Variants in CEACAM20 observed in about 807,000 individuals in gnomAD.
The protein encoded by CEACAM20 is CEA cell adhesion molecule 20, also known as cell adhesion molecule CEACAM20.
CEACAM20 carries 50 observed loss-of-function variants against 61.2 expected under a neutral mutation model. The ratio of observed to expected loss-of-function variants is 0.82; its 90% CI spans 0.65 to 1.03. CEACAM20 has a LOEUF of 1.03. Among genes scored for constraint, CEACAM20 ranks in the 50% least tolerant of loss-of-function variants. The pLI, the probability that CEACAM20 is intolerant of heterozygous loss-of-function variation, is 0.00. For synonymous variants in CEACAM20, 282 were observed against 287.7 expected, an observed-to-expected ratio of 0.98 and a Z score of 0.20; for missense variants, 683 against 736.4, an observed-to-expected ratio of 0.93 and a Z score of 0.84.
chr19:44,518,173 AGCAGGCAGGCAG>A lies in CEACAM20; in HGVS notation c.1031-961_1031-950del, dbSNP rs552025790. 1.6e-3 allele frequency among the ~76,000 whole-genome samples: 223 copies of A among 138,894 alleles called. 3 individuals carry two copies. The highest frequency in any genetic ancestry group is 2.7e-3 in the Non-Finnish European group (169 of 63,516). The allele number at this position is 138,894 out of a possible 152,430, so 91.1% of individuals were successfully genotyped here. ...AAGGAAGGAAGGAAGGAAGGAAGAAAGCAGGCAGGCAGGCAGGCAGGCAGGCAAGAAGGAAGG... is the reference window on the plus strand; with the variant it reads ...AAGGAAGGAAGGAAGGAAGGAAGAAAGCAGGCAGGCAGGCAAGAAGGAAGG... On this transcript the variant is annotated intron_variant, in intron 5 of 11. Coordinates refer to ENST00000614924, the MANE Select transcript of CEACAM20 (RefSeq NM_001102597.3).
chr19:44,506,366 G>T (rs989101347), intron 11 of CEACAM20, among the ~76,000 whole-genome samples, 152 bp from the exon 12 acceptor site: 2 of 152,206 alleles, frequency 1.3e-5, no homozygotes, highest in South Asian at 2.1e-4. Flanking sequence ...AGTAACCCTG[G>T]CACATCTCTG....
chr19:44,524,101 A>G lies in CEACAM20; in HGVS notation c.357T>C (p.Asp119=). 2 of 1,604,586 alleles carry G rather than the reference A, an allele frequency of 1.2e-6. No homozygotes were observed. Among genetic ancestry groups the G allele is most frequent in the South Asian group, 2.2e-5 (2 of 89,148 alleles). ...VFHERMQLSK[D]GKILTILIVQ... is the part of the protein sequence containing the mutation. ...CAATGAGAATGGTGAGGATCTTGCC[A>G]TCCTTGGACAGCTGCATGCGCTCAT... Residue 119 remains aspartate, a synonymous_variant, in exon 3 of 12, where the codon GAT becomes GAC. Coordinates refer to ENST00000614924, the MANE Select transcript of CEACAM20 (RefSeq NM_001102597.3).
chr19:44,517,091 A>G lies in CEACAM20; in HGVS notation c.1164T>C (p.Thr388=), dbSNP rs749683136. 40 of 1,611,566 alleles carry G rather than the reference A, an allele frequency of 2.5e-5. No individual in the cohort carries two copies. Among genetic ancestry groups the G allele is most frequent in the Non-Finnish European group, 3.4e-5 (40 of 1,178,938 alleles). The change falls in exon 6 of 12, where the codon ACT becomes ACC. Residue 388 remains threonine, a synonymous_variant. Coordinates refer to ENST00000614924, the MANE Select transcript of CEACAM20 (RefSeq NM_001102597.3). ...ESKPGAEYRW[T]LEHSTGEHLG... is the part of the protein sequence containing the mutation. ...GGTGCTCCCCGGTGGAGTGTTCAAGAGTCCAGCGATACTCAGCACCTGGCT... is the reference window on the plus strand; with the variant it reads ...GGTGCTCCCCGGTGGAGTGTTCAAGGGTCCAGCGATACTCAGCACCTGGCT...
intron 2 of CEACAM20, 129 bp from the exon 3 acceptor site, chr19:44,524,390 CCTGGGCTTGAATG>C: frequency 9.9e-7 from 1 of 1,012,712 alleles, no homozygotes; most frequent in Non-Finnish European, 1.4e-6. Context: ...GAGTTGGATG[CCTGGGCTTGAATG>C]CTGGATCTAC....
rs750039792 is a variant in CEACAM20 at position 44,520,482 on chromosome 19, G to T, written c.1022C>A (p.Thr341Asn). The stretch of plus-strand genomic sequence containing the variant: ...GGCCCTGGGTGACTCACAGTTGATG[G>T]TCAGCTCAAGGGGCTCACTCCGGGC... ...SRARSEPLELTINYGPDQVHI... is the reference protein window; with the variant it reads ...SRARSEPLELNINYGPDQVHI... The change falls in exon 5 of 12, where the codon ACC becomes AAC. Residue 341 changes from threonine to asparagine, a missense_variant. Physicochemically the swap from Thr to Asn is moderately conservative, Grantham distance 65. Coordinates refer to ENST00000614924, the MANE Select transcript of CEACAM20 (RefSeq NM_001102597.3). The T allele has an allele frequency of 1.2e-6, 2 of 1,612,134 alleles. No homozygotes were observed. The highest frequency in any genetic ancestry group is 3.3e-5 in the Admixed American group (2 of 60,010).
chr19:44,529,018 G>C (rs1971629041), intron 1 of CEACAM20, among the ~76,000 whole-genome samples: 1 of 132,122 alleles, frequency 7.6e-6, no homozygotes, highest in African/African-American at 2.9e-5. Flanking sequence ...GAGTGCTATG[G>C]TGTCATCTCA....
At chr19:44,512,129 G>A in intron 8 of CEACAM20, 51 bp from the exon 9 acceptor site, 2 of 1,423,866 alleles carry the variant, frequency 1.4e-6, no homozygotes, top group South Asian at 1.2e-5. Context: ...GAGATATGGG[G>A]CAAGGGGCTG....
chr19:44,506,201 G>C lies in CEACAM20; in HGVS notation c.1751C>G (p.Pro584Arg). 2 of 1,613,768 alleles carry C rather than the reference G, an allele frequency of 1.2e-6. No individual in the cohort carries two copies. The highest frequency in any genetic ancestry group is 1.7e-6 in the Non-Finnish European group (2 of 1,179,778). The change falls in exon 12 of 12, where the codon CCA becomes CGA. Residue 584 changes from proline (P) to arginine (R), a missense_variant. Transcript: ENST00000614924. Reference protein sequence around the residue: ...MESIYEELVNPEPNTYIQINP... With the variant: ...MESIYEELVNREPNTYIQINP... ...GATTTGGATGTAAGTGTTGGGCTCT[G>C]GATTCACAAGCTCCTGTTAAACAAA... is the stretch of plus-strand genomic sequence containing the variant.
intron 1 of CEACAM20, among the ~76,000 whole-genome samples, 195 bp from the exon 2 acceptor site, chr19:44,525,439 T>C (rs1392668753): frequency 6.6e-6 from 1 of 151,962 alleles, no homozygotes; most frequent in Non-Finnish European, 1.5e-5. Context: ...TGTTTGTGTA[T>C]GTGTTTTTGT....
Position 44,524,284 on chromosome 19 carries a change from G to A in CEACAM20, c.197-23C>T, listed in dbSNP as rs185170182. On this transcript the variant is annotated intron_variant, in intron 2 of 11. Coordinates refer to ENST00000614924, the MANE Select transcript of CEACAM20 (RefSeq NM_001102597.3). Reference sequence around the variant, plus strand: ...GCTCTGAAAGCAAGCGAGGGAGACAGAGGCAGAGACACAGGTAGAGGAAGA... The same window carrying A: ...GCTCTGAAAGCAAGCGAGGGAGACAAAGGCAGAGACACAGGTAGAGGAAGA... 2.1e-4 allele frequency: 334 copies of A among 1,601,672 alleles called. 1 individual carries two copies. Among genetic ancestry groups the A allele is most frequent in the Non-Finnish European group, 1.0e-4 (119 of 1,173,276 alleles).
intron 11 of CEACAM20, among the ~76,000 whole-genome samples, chr19:44,510,479 C>G (rs1194104225): frequency 1.4e-5 from 2 of 146,220 alleles, no homozygotes; most frequent in Non-Finnish European, 3.0e-5. Context: ...AGTCACTGCA[C>G]TCCAGTCTGG....
chr19:44,513,037 T>C, intron 7 of CEACAM20, 84 bp from the exon 8 acceptor site: 1 of 1,345,344 alleles, frequency 7.4e-7, no homozygotes, highest in Non-Finnish European at 1.0e-6. Flanking sequence ...TGTCCATTCT[T>C]GAACAATGCC....
chr19:44,528,956 C>CTTTTTTTTT (rs71171255), intron 1 of CEACAM20, among the ~76,000 whole-genome samples: 25 of 92,616 alleles, frequency 2.7e-4, no homozygotes, highest in South Asian at 1.3e-3. Flanking sequence ...CTCTTTCTTT[C>CTTTTTTTTT]TTTTTTTTTT....
chr19:44,510,872 G>T, intron 11 of CEACAM20, 158 bp downstream of exon 11: 1 of 830,348 alleles, frequency 1.2e-6, no homozygotes, highest in Non-Finnish European at 1.8e-6. Flanking sequence ...AAACCAACTA[G>T]AAAATGACAT....
intron 6 of CEACAM20, among the ~76,000 whole-genome samples, chr19:44,515,001 C>G (rs917558535): frequency 7.3e-5 from 11 of 151,466 alleles, no homozygotes; most frequent in African/African-American, 2.7e-4. Flanking sequence ...CCACGCCTGG[C>G]TAATTTTTGT....
intron 3 of CEACAM20, among the ~76,000 whole-genome samples, chr19:44,523,119 T>C (rs964648289): frequency 1.3e-5 from 2 of 152,190 alleles, no homozygotes; most frequent in Non-Finnish European, 1.5e-5. Context: ...GTCTAAAGTA[T>C]GCCAGCTGAA....
At chr19:44,513,409 G>T (rs1225113729) in intron 6 of CEACAM20, 120 bp from the exon 7 acceptor site, 6 of 594,080 alleles carry the variant, frequency 1.0e-5, no homozygotes, top group East Asian at 3.1e-5. Context: ...TTTTCCAGTC[G>T]TTGGGAGGTA....
intron 11 of CEACAM20, among the ~76,000 whole-genome samples, chr19:44,509,112 A>G (rs12977800): frequency 6.6e-6 from 1 of 152,220 alleles, no homozygotes; most frequent in Admixed American, 6.5e-5. Context: ...AGAAAGGAAT[A>G]CAATAAAAAT....
intron 7 of CEACAM20, 48 bp from the exon 8 acceptor site, chr19:44,513,001 T>C (rs1220328699): frequency 6.6e-7 from 1 of 1,504,048 alleles, no homozygotes; most frequent in East Asian, 2.3e-5. Flanking sequence ...TCCTTGCCCA[T>C]CTCCACAGGT....
Sources: allele counts gnomAD v4.1 joint callset (sites outside exome capture counted in the v4.1 genomes callset), GRCh38; gene constraint gnomAD v4.1.1; transcripts MANE v1.5; gene names NCBI Gene and HGNC (gene_info 2026-07-23, HGNC 2026-07-21).